UBLCP1: variants seen among roughly 807,000 people sequenced by gnomAD.
UBLCP1 encodes ubiquitin like domain containing CTD phosphatase 1.
UBLCP1 carries 28 observed loss-of-function variants against 42.4 expected under a neutral mutation model. The observed-to-expected ratio is 0.66, with a 90% confidence interval of 0.49 to 0.90. The LOEUF (loss-of-function observed/expected upper bound fraction) is 0.90, where lower values mean the gene tolerates loss of function less well. UBLCP1 is among the 40% of genes least tolerant of loss of function. The pLI is 0.00. For synonymous variants in UBLCP1, 122 were observed against 120.8 expected (o/e 1.01, Z -0.07); for missense variants, 279 against 374.5 (o/e 0.75, Z 2.10).
intron 8 of UBLCP1, among the ~76,000 whole-genome samples, chr5:159,276,936 T>C (rs1264097808): frequency 6.6e-6 from 1 of 152,182 alleles, no homozygotes; most frequent in African/African-American, 2.4e-5. Context: ...ATGTTTTTTT[T>C]CTGTAGTTAG....
chr5:159,269,436 T>C (rs1753437341), intron 2 of UBLCP1, among the ~76,000 whole-genome samples: 1 of 152,220 alleles, frequency 6.6e-6, no homozygotes, highest in Non-Finnish European at 1.5e-5. Flanking sequence ...AAATTATCTT[T>C]TCTGTTTCAA....
intron 6 of UBLCP1, among the ~76,000 whole-genome samples, chr5:159,273,589 T>C (rs1041844163): frequency 6.6e-6 from 1 of 152,160 alleles, no homozygotes; most frequent in Non-Finnish European, 1.5e-5. Context: ...ACTTAATAAT[T>C]AGAAACTTTT....
intron 8 of UBLCP1, among the ~76,000 whole-genome samples, chr5:159,277,273 T>G (rs1753551007): frequency 1.3e-5 from 2 of 152,098 alleles, no homozygotes; most frequent in Non-Finnish European, 2.9e-5. Flanking sequence ...TTCATTAACA[T>G]TTTTTGTAAT....
At chr5:159,273,202 A>C (rs994077380) in intron 6 of UBLCP1, among the ~76,000 whole-genome samples, 1 of 152,232 alleles carries the variant, frequency 6.6e-6, no homozygotes, top group Non-Finnish European at 1.5e-5. Context: ...TAGTAAGATA[A>C]GGTGAAGAAA....
intron 7 of UBLCP1, 79 bp from the exon 8 acceptor site, chr5:159,275,069 A>T (rs1753516613): frequency 2.4e-6 from 3 of 1,258,436 alleles, no homozygotes. Context: ...CATTATGAGA[A>T]ATTGCAGCTA....
Position 159,275,152 on chromosome 5 carries a change from T to C in UBLCP1, c.590T>C (p.Leu197Pro). ...CACAAATATTTGTGTTTATAGGAGC[T>C]GGGAGTGAGCACAAATGCAAATTAT... is the stretch of plus-strand genomic sequence containing the variant. The part of the protein sequence containing the change: ...MKWIEAKMKE[L>P]GVSTNANYKI... The change falls in exon 8 of 11, where the codon CTG becomes CCG. Residue 197 changes from leucine (L) to proline (P), a missense_variant. By Grantham distance (98) the Leu-to-Pro change is moderately conservative (BLOSUM62 -3). Coordinates refer to ENST00000296786, the MANE Select transcript of UBLCP1 (RefSeq NM_145049.5). 6.2e-7 allele frequency: 1 copy of C among 1,612,832 alleles called. No individual in the cohort carries two copies. The highest frequency in any genetic ancestry group is 8.5e-7 in the Non-Finnish European group (1 of 1,179,394).
chr5:159,277,473 A>C (rs1403188157), intron 8 of UBLCP1, among the ~76,000 whole-genome samples: 4 of 152,130 alleles, frequency 2.6e-5, no homozygotes, highest in Non-Finnish European at 5.9e-5. Context: ...AATTTAAAAA[A>C]TTTTCTGAAT....
chr5:159,276,072 A>G (rs192518124), intron 8 of UBLCP1, among the ~76,000 whole-genome samples: 3 of 152,314 alleles, frequency 2.0e-5, no homozygotes, highest in East Asian at 1.9e-4. Context: ...AGGCCCTGTG[A>G]TAGGCACTGT....
intron 10 of UBLCP1, among the ~76,000 whole-genome samples, chr5:159,284,022 A>G (rs948031770): frequency 1.3e-5 from 2 of 152,214 alleles, no homozygotes; most frequent in African/African-American, 4.8e-5. Flanking sequence ...ATCTGGTTCC[A>G]GTAATACAGC....
chr5:159,268,540 T>C (rs1753424092), intron 1 of UBLCP1, among the ~76,000 whole-genome samples: 1 of 152,218 alleles, frequency 6.6e-6, no homozygotes, highest in African/African-American at 2.4e-5. Context: ...TAAATGAACA[T>C]GGATGGTCTG....
chr5:159,272,763 G>A (rs1753486097), intron 6 of UBLCP1, among the ~76,000 whole-genome samples: 1 of 152,084 alleles, frequency 6.6e-6, no homozygotes, highest in Non-Finnish European at 1.5e-5. Flanking sequence ...TGTGGTCTGC[G>A]GACCATTTCA....
rs900354751 is a variant in UBLCP1, at chr5:159,285,100, C to G, written c.*169C>G. ...ATTTTATATTTTTTGAAGATGATAGCAATATGCTAAAAAATGCTTGTCCCC... is the reference window on the plus strand; with the variant it reads ...ATTTTATATTTTTTGAAGATGATAGGAATATGCTAAAAAATGCTTGTCCCC... On this transcript the variant is annotated 3_prime_UTR_variant, in exon 11 of 11. Coordinates refer to ENST00000296786, the MANE Select transcript of UBLCP1 (RefSeq NM_145049.5). 16 of 574,020 alleles carry G rather than the reference C, an allele frequency of 2.8e-5. No individual in the cohort carries two copies. Among genetic ancestry groups the G allele is most frequent in the Non-Finnish European group, 4.2e-5 (14 of 333,820 alleles). 35.6% of individuals were successfully genotyped at this position (574,020 alleles called of 1,614,324 possible).
chr5:159,272,123 T>C lies in UBLCP1; in HGVS notation c.547+2T>C. ...AAGATTATGACATTGTTATTTGGTG[T>C]AAGCTGTATTTTTTTGTTTAGATTT... On this transcript the variant is annotated splice_donor_variant, in intron 6 of 10. Coordinates refer to ENST00000296786, the MANE Select transcript of UBLCP1 (RefSeq NM_145049.5). LOFTEE classifies it high-confidence loss of function. 1 of 1,610,154 alleles carries C rather than the reference T, an allele frequency of 6.2e-7. No individual in the cohort carries two copies. Among genetic ancestry groups the C allele is most frequent in the Non-Finnish European group, 8.5e-7 (1 of 1,177,416 alleles).
intron 9 of UBLCP1, among the ~76,000 whole-genome samples, chr5:159,282,590 T>C (rs1438679339): frequency 3.3e-5 from 5 of 152,142 alleles, no homozygotes; most frequent in Non-Finnish European, 5.9e-5. Context: ...TTTAAACTCT[T>C]TTTCATCATA....
intron 6 of UBLCP1, 113 bp from the exon 7 acceptor site, chr5:159,274,472 A>C: frequency 1.3e-6 from 1 of 782,704 alleles, no homozygotes; most frequent in Non-Finnish European, 2.0e-6. Context: ...AGGGACTGTT[A>C]ATTCTGATGC....
At position 159,278,330 on chromosome 5, in the gene UBLCP1, A is replaced by C; in HGVS notation, c.777A>C (p.Leu259=). The part of the protein sequence containing the change: ...IMFDDIGRNF[L]MNPQNGLKIR... ...TTGATGACATAGGGAGAAATTTTCT[A>C]ATGAACCCACAGAATGGACTAAAGG... The change falls in exon 9 of 11, where the codon CTA becomes CTC. Residue 259 remains leucine (L), a synonymous_variant. Coordinates refer to ENST00000296786, the MANE Select transcript of UBLCP1 (RefSeq NM_145049.5). The C allele has an allele frequency of 2.5e-6, 4 of 1,613,020 alleles. No individual in the cohort carries two copies. Among genetic ancestry groups the C allele is most frequent in the African/African-American group, 2.7e-5 (2 of 75,040 alleles).
intron 2 of UBLCP1, 22 bp downstream of exon 2, chr5:159,269,091 A>T (rs773701340): frequency 2.0e-6 from 3 of 1,481,022 alleles, no homozygotes; most frequent in Non-Finnish European, 2.7e-6. Context: ...CCCTCTTCAG[A>T]TTTTTTGCAT....
intron 6 of UBLCP1, among the ~76,000 whole-genome samples, chr5:159,272,404 C>T (rs1753479164): frequency 6.6e-6 from 1 of 151,534 alleles, no homozygotes; most frequent in Admixed American, 6.6e-5. Context: ...GAAGTTTTTC[C>T]TTCTGATTTT....
At chr5:159,274,717 G>C in intron 7 of UBLCP1, 95 bp downstream of exon 7, 1 of 1,122,548 alleles carries the variant, frequency 8.9e-7, no homozygotes, top group South Asian at 1.4e-5. Flanking sequence ...TCTTACTGGA[G>C]GGCACTTAGT....
Sources: gnomAD v4.1 joint callset for allele counts (sites outside exome capture counted in the v4.1 genomes callset) on GRCh38, gnomAD v4.1.1 for gene constraint, MANE v1.5 for transcripts, NCBI Gene and HGNC (gene_info 2026-07-23, HGNC 2026-07-21) for gene names.